CCSER1: variants seen among roughly 807,000 people sequenced by gnomAD.
CCSER1 encodes coiled-coil serine rich protein 1, also known as serine-rich coiled-coil domain-containing protein 1.
A neutral mutation model predicts 82.0 loss-of-function variants in CCSER1; 41 were observed. The observed-to-expected ratio is 0.50, with a 90% CI of 0.39 to 0.65. CCSER1 has a LOEUF of 0.65. Ranked by LOEUF, CCSER1 falls within the 30% of genes least tolerant of loss-of-function variation. The probability of loss-of-function intolerance (pLI) is 0.00; values close to 1 mark genes in which losing one functional copy is unlikely to be tolerated. For synonymous variants in CCSER1, 414 were observed against 383.9 expected (o/e 1.08, Z -0.92); for missense variants, 1,119 against 1,064.2 (o/e 1.05, Z -0.72).
chr4:91,179,491 T>C (rs1022898040), intron 10 of CCSER1, among the ~76,000 whole-genome samples: 3 of 152,216 alleles, frequency 2.0e-5, no homozygotes, highest in Admixed American at 6.5e-5. Context: ...CTTGGAGGCT[T>C]TGTTCATTTC....
intron 10 of CCSER1, among the ~76,000 whole-genome samples, chr4:91,233,167 T>A (rs578042761): frequency 3.3e-5 from 5 of 151,834 alleles, no homozygotes; most frequent in Non-Finnish European, 3.0e-5. Flanking sequence ...TAAATGATCC[T>A]GCTCCAAAAC....
chr4:90,901,423 A>G (rs1416609452), intron 8 of CCSER1, among the ~76,000 whole-genome samples: 1 of 152,006 alleles, frequency 6.6e-6, no homozygotes, highest in Non-Finnish European at 1.5e-5. Flanking sequence ...TATGGTAGCA[A>G]GTATTGTCCT....
intron 10 of CCSER1, among the ~76,000 whole-genome samples, chr4:91,502,503 G>A (rs951142850): frequency 1.6e-4 from 24 of 152,020 alleles, no homozygotes; most frequent in African/African-American, 5.8e-4. Context: ...CAAGCCTCAG[G>A]TATTTTAACT....
At chr4:90,978,384 G>T (rs975181707) in intron 9 of CCSER1, among the ~76,000 whole-genome samples, 2 of 151,566 alleles carry the variant, frequency 1.3e-5, no homozygotes. Flanking sequence ...ATAAACAATG[G>T]TTTGCAGTAG....
intron 3 of CCSER1, among the ~76,000 whole-genome samples, chr4:90,345,978 C>A (rs1742258854): frequency 6.6e-6 from 1 of 151,804 alleles, no homozygotes; most frequent in Non-Finnish European, 1.5e-5. Flanking sequence ...TCCTTTAATA[C>A]CCTCCCCCAT....
chr4:90,176,981 A>G (rs1046243315), intron 1 of CCSER1, among the ~76,000 whole-genome samples: 4 of 152,112 alleles, frequency 2.6e-5, no homozygotes, highest in Non-Finnish European at 5.9e-5. Flanking sequence ...AAACATGAGC[A>G]GAGGAATTGC....
At chr4:90,345,511 T>C (rs1742162956) in intron 3 of CCSER1, among the ~76,000 whole-genome samples, 1 of 152,144 alleles carries the variant, frequency 6.6e-6, no homozygotes, top group African/African-American at 2.4e-5. Flanking sequence ...CAAAAGGTGA[T>C]AATTTTTTGT....
intron 10 of CCSER1, among the ~76,000 whole-genome samples, chr4:91,280,570 G>T (rs1742839843): frequency 6.6e-6 from 1 of 152,152 alleles, no homozygotes; most frequent in Admixed American, 6.6e-5. Flanking sequence ...TGAAATGCTT[G>T]GGTGGGGGCA....
intron 8 of CCSER1, among the ~76,000 whole-genome samples, chr4:90,840,410 G>GTGC (rs1473733868): frequency 1.3e-5 from 2 of 152,164 alleles, no homozygotes; most frequent in Non-Finnish European, 2.9e-5. Flanking sequence ...TATTTATGAA[G>GTGC]TGCTGTGTGC....
At chr4:90,850,442 A>G (rs989733504) in intron 8 of CCSER1, among the ~76,000 whole-genome samples, 1 of 152,210 alleles carries the variant, frequency 6.6e-6, no homozygotes, top group African/African-American at 2.4e-5. Context: ...ACCAGCTGGG[A>G]GCTGGCCTTT....
At chr4:90,418,377 A>G (rs58100220) in intron 4 of CCSER1, among the ~76,000 whole-genome samples, 1,919 of 152,180 alleles carry the variant, frequency 0.013, 43 homozygotes, top group African/African-American at 0.044. Flanking sequence ...ATTTTTAAAT[A>G]TAGAATTTCT....
rs71597235 is a variant in CCSER1 at position 91,241,470 on chromosome 4, C to T, written c.2217+155476C>T. 3.3e-3 allele frequency among the ~76,000 whole-genome samples: 495 copies of T among 148,126 alleles called. 1 individual carries two copies. The highest frequency in any genetic ancestry group is 5.7e-3 in the Non-Finnish European group (379 of 66,900). On this transcript the variant is annotated intron_variant, in intron 10 of 10. Transcript: ENST00000509176. ...CCTCCCGAGTAGCTGGGACTACATA[C>T]GCCAGCCACCACGCCCGGCTAATTT...
intron 4 of CCSER1, among the ~76,000 whole-genome samples, chr4:90,405,696 G>T (rs974160655): frequency 2.0e-5 from 3 of 152,072 alleles, no homozygotes; most frequent in Non-Finnish European, 4.4e-5. Flanking sequence ...GAAGGGATTG[G>T]GTTCTATTTT....
At chr4:90,266,920 G>C (rs930296612) in intron 1 of CCSER1, among the ~76,000 whole-genome samples, 8 of 151,782 alleles carry the variant, frequency 5.3e-5, no homozygotes, top group South Asian at 2.1e-4. Context: ...GGACTTGGGG[G>C]CTATAAGGAG....
At chr4:90,900,094 G>GTTTTTTTTTTTTTTT (rs70963096) in intron 8 of CCSER1, among the ~76,000 whole-genome samples, 8 of 102,156 alleles carry the variant, frequency 7.8e-5, no homozygotes, top group East Asian at 2.5e-4. Context: ...TGGTCCCAGA[G>GTTTTTTTTTTTTTTT]TTTTTTTTTT....
chr4:90,814,334 C>T lies in CCSER1; in HGVS notation c.2011-1428C>T, dbSNP rs546282853. 4.0e-3 allele frequency among the ~76,000 whole-genome samples: 609 copies of T among 152,264 alleles called. 6 individuals are homozygous for T. Among genetic ancestry groups the T allele is most frequent in the Middle Eastern group, 6.8e-3 (2 of 294 alleles). ...TCCCTTGTTGGGAGAGGCTCCTGTA[C>T]GGTGATGGGAGGCTGCAGTGAAGAT... On this transcript the variant is annotated intron_variant, in intron 7 of 10. Transcript: ENST00000509176.
intron 10 of CCSER1, among the ~76,000 whole-genome samples, chr4:91,185,567 G>A (rs1192302274): frequency 6.6e-6 from 1 of 152,120 alleles, no homozygotes; most frequent in Non-Finnish European, 1.5e-5. Context: ...ATGGGGATGA[G>A]GGAATGGCCT....
intron 7 of CCSER1, among the ~76,000 whole-genome samples, chr4:90,773,196 C>T (rs1431834924): frequency 2.0e-5 from 3 of 152,296 alleles, no homozygotes; most frequent in Admixed American, 1.3e-4. Context: ...GCCGAGTTCA[C>T]GCCTTTGCAC....
At chr4:91,399,670 T>C (rs899000377) in intron 10 of CCSER1, among the ~76,000 whole-genome samples, 1 of 151,958 alleles carries the variant, frequency 6.6e-6, no homozygotes, top group Non-Finnish European at 1.5e-5. Flanking sequence ...CATCTCTTTG[T>C]GGTGTTTCTT....
Sources: allele counts gnomAD v4.1 joint callset (sites outside exome capture counted in the v4.1 genomes callset), GRCh38; gene constraint gnomAD v4.1.1; transcripts MANE v1.5; gene names NCBI Gene and HGNC (gene_info 2026-07-23, HGNC 2026-07-21).